Variants in GRM5 observed in about 807,000 individuals in gnomAD.
GRM5 encodes the protein glutamate metabotropic receptor 5, also known as metabotropic glutamate receptor 5.
In GRM5, 19 loss-of-function variants were observed where a neutral mutation model predicts 83.1. The ratio of observed to expected loss-of-function variants is 0.23; its 90% CI spans 0.16 to 0.34. The LOEUF is 0.34. GRM5 is among the 10% of genes least tolerant of loss of function. The pLI is 1.00. For missense variants in GRM5, 1,160 were observed against 1,588.3 expected (o/e 0.73, Z 4.58); for synonymous variants, 675 against 633.6 (o/e 1.07, Z -0.98).
intron 2 of GRM5, among the ~76,000 whole-genome samples, chr11:89,026,467 T>C (rs954556690): frequency 2.6e-5 from 4 of 152,200 alleles, no homozygotes; most frequent in African/African-American, 9.6e-5. Context: ...TGAATATAGA[T>C]AGCATGGTGT....
intron 2 of GRM5, chr11:88,925,702 A>G (rs1343342925): frequency 4.4e-6 from 2 of 452,520 alleles, no homozygotes; most frequent in East Asian, 7.0e-5. Flanking sequence ...ACTTGAGGCC[A>G]AGAGTTGAAG....
In GRM5 at chr11:88,796,581, T is replaced by C. The variant is rs545157132; in HGVS notation, c.911+53325A>G. Among the ~76,000 whole-genome samples, 180 of 152,182 alleles carry C rather than the reference T, an allele frequency of 1.2e-3. 4 individuals are homozygous for C. The South Asian group carries it at 0.036, about 30-fold the overall frequency. On this transcript the variant is annotated intron_variant, in intron 3 of 9. Coordinates refer to ENST00000305447, the MANE Select transcript of GRM5 (RefSeq NM_001143831.3). ...TTATGATAAAAAAGCCAGGAACAAA[T>C]GGTAAGGAATGCAATTATTTTTTAA...
At chr11:88,671,114 A>G (rs1464820494) in intron 3 of GRM5, among the ~76,000 whole-genome samples, 1 of 151,898 alleles carries the variant, frequency 6.6e-6, no homozygotes, top group Non-Finnish European at 1.5e-5. Context: ...GGGTAAGGTC[A>G]GCACGACCAT....
intron 3 of GRM5, among the ~76,000 whole-genome samples, chr11:88,765,944 A>G (rs1356048127): frequency 6.6e-6 from 1 of 151,800 alleles, no homozygotes; most frequent in South Asian, 2.1e-4. Flanking sequence ...ACTTATATAT[A>G]TAAGGGACTT....
intron 3 of GRM5, among the ~76,000 whole-genome samples, chr11:88,707,481 G>A (rs1241636951): frequency 6.6e-6 from 1 of 152,104 alleles, no homozygotes; most frequent in Non-Finnish European, 1.5e-5. Flanking sequence ...CTGGCTGAGT[G>A]TGTTGGTCAT....
intron 2 of GRM5, among the ~76,000 whole-genome samples, chr11:88,988,910 CA>C (rs1939852387): frequency 6.8e-6 from 1 of 147,446 alleles, no homozygotes; most frequent in Non-Finnish European, 1.5e-5. Flanking sequence ...AAAATCATGC[CA>C]AAATGTAAAG....
At chr11:88,895,738 T>C (rs1406858153) in intron 2 of GRM5, among the ~76,000 whole-genome samples, 1 of 151,944 alleles carries the variant, frequency 6.6e-6, no homozygotes, top group Admixed American at 6.6e-5. Context: ...TTGGTTTTTC[T>C]ATGAAAACAT....
intron 3 of GRM5, among the ~76,000 whole-genome samples, chr11:88,831,374 C>T (rs1045634812): frequency 6.6e-6 from 1 of 152,182 alleles, no homozygotes; most frequent in Admixed American, 6.5e-5. Flanking sequence ...GATTGAACTC[C>T]CAGCCTCCTG....
At chr11:88,973,795 G>A (rs548879609) in intron 2 of GRM5, among the ~76,000 whole-genome samples, 17,063 of 151,422 alleles carry the variant, frequency 0.11, 3,091 homozygotes, top group African/African-American at 0.38. Flanking sequence ...TAACATTTTT[G>A]AAACAAGAGA....
intron 3 of GRM5, among the ~76,000 whole-genome samples, chr11:88,728,487 C>G (rs566516674): frequency 3.0e-4 from 45 of 152,110 alleles, no homozygotes; most frequent in African/African-American, 8.0e-4. Flanking sequence ...CTATTCCAAA[C>G]AATAGAAAAA....
chr11:89,038,151 T>TGTGTGTGTGTG (rs963646208), intron 2 of GRM5, among the ~76,000 whole-genome samples: 1 of 144,584 alleles, frequency 6.9e-6, no homozygotes, highest in Admixed American at 7.1e-5. Flanking sequence ...TAGAATCTCA[T>TGTGTGTGTGTG]TGTGTGTGTG....
intron 2 of GRM5, among the ~76,000 whole-genome samples, chr11:88,985,884 T>C (rs492612): frequency 0.61 from 93,272 of 151,950 alleles, 30,129 homozygotes; most frequent in African/African-American, 0.82. Context: ...AAAATTACAA[T>C]ATCAATCATT....
At chr11:89,014,173 A>G (rs1368954323) in intron 2 of GRM5, among the ~76,000 whole-genome samples, 2 of 152,158 alleles carry the variant, frequency 1.3e-5, no homozygotes, top group African/African-American at 4.8e-5. Flanking sequence ...AATCACAAAT[A>G]CAACACTACA....
At chr11:88,548,534 T>C (rs1366979998) in intron 8 of GRM5, among the ~76,000 whole-genome samples, 1 of 152,192 alleles carries the variant, frequency 6.6e-6, no homozygotes, top group Admixed American at 6.5e-5. Flanking sequence ...CATCCAGACA[T>C]AGTCTTTAAT....
At chr11:88,844,087 C>T (rs1211234815) in intron 3 of GRM5, among the ~76,000 whole-genome samples, 1 of 152,064 alleles carries the variant, frequency 6.6e-6, no homozygotes, top group Non-Finnish European at 1.5e-5. Flanking sequence ...GAAGAAGATG[C>T]CATCTAACAC....
rs1242972518 is a variant in GRM5, at chr11:88,567,885, C to G, written c.1798G>C (p.Val600Leu). Residue 600 changes from valine (V) to leucine (L), a missense_variant, in exon 8 of 10, where the codon GTC becomes CTC. Transcript: ENST00000305447. This position sits in a 1 kb window ranked among gnomAD's most constrained non-coding sequence, Gnocchi z 7.3. ...GGTGTATCACGGTAAATGATGAAGA[C>G]TACAGTAACAAACAGGGTGGCCAGG... is the stretch of plus-strand genomic sequence containing the variant. ...GLLATLFVTV[V>L]FIIYRDTPVV... 6.2e-7 allele frequency: 1 copy of G among 1,613,852 alleles called. No individual in the cohort carries two copies. The highest frequency in any genetic ancestry group is 1.7e-5 in the Admixed American group (1 of 60,024).
intron 3 of GRM5, among the ~76,000 whole-genome samples, chr11:88,805,973 C>A (rs929249528): frequency 1.3e-5 from 2 of 152,200 alleles, no homozygotes; most frequent in Admixed American, 1.3e-4. Context: ...TAGGGTCAGA[C>A]TCTTCCAGAG....
intron 3 of GRM5, among the ~76,000 whole-genome samples, chr11:88,792,021 G>C (rs1024339562): frequency 1.3e-5 from 2 of 152,084 alleles, no homozygotes; most frequent in African/African-American, 2.4e-5. Context: ...AACATGTTTT[G>C]AAACCAAAGC....
In GRM5 at chr11:88,855,010, C is replaced by T. The variant is rs1944449486; in HGVS notation, c.662-4855G>A. 2.0e-5 allele frequency among the ~76,000 whole-genome samples: 3 copies of T among 151,246 alleles called. No homozygotes were observed. In the Admixed American group the frequency reaches 2.0e-4, roughly 10 times the overall value. Reference sequence around the variant, plus strand: ...AGTATAACAGCATAGACAAGGTGTACCTAGTGAGATTTTCATTTTTCTGGC... The same window carrying T: ...AGTATAACAGCATAGACAAGGTGTATCTAGTGAGATTTTCATTTTTCTGGC... On this transcript the variant is annotated intron_variant, in intron 2 of 9. Transcript: ENST00000305447.
Sources: gnomAD v4.1 joint callset for allele counts (sites outside exome capture counted in the v4.1 genomes callset) on GRCh38, gnomAD v4.1.1 for gene constraint, Gnocchi (gnomAD v3.1) non-coding constraint, MANE v1.5 for transcripts, NCBI Gene and HGNC (gene_info 2026-07-23, HGNC 2026-07-21) for gene names.